APOD: variants seen among roughly 807,000 people sequenced by gnomAD.
APOD encodes the protein apo-D.
APOD carries 22 observed loss-of-function variants against 20.4 expected under a neutral mutation model. The observed-to-expected ratio is 1.08, with a 90% CI of 0.77 to 1.54. APOD has a LOEUF of 1.54. Among genes scored for constraint, APOD ranks in the 40% most tolerant of loss-of-function variants. The pLI is 0.00. For synonymous variants in APOD, 97 were observed against 92.4 expected (o/e 1.05, Z -0.29); for missense variants, 223 against 229.6 (o/e 0.97, Z 0.19).
At chr3:195,571,061 A>G (rs1720149639) in intron 4 of APOD, 1 of 583,966 alleles carries the variant, frequency 1.7e-6, no homozygotes, top group African/African-American at 1.9e-5. Flanking sequence ...CAGTATCCAC[A>G]CTGGGATGTG....
Position 195,578,470 on chromosome 3 carries a change from C to A in APOD, c.123+869G>T, listed in dbSNP as rs150597097. On this transcript the variant is annotated intron_variant, in intron 2 of 4. Coordinates refer to ENST00000343267, the MANE Select transcript of APOD (RefSeq NM_001647.4). ...TCTTAAAAGAGATCCAAACCTTCTC[C>A]TAAGGAGAGGAAGTCTTAAGGGTGA... is the stretch of plus-strand genomic sequence containing the variant. 1.3e-3 allele frequency among the ~76,000 whole-genome samples: 191 copies of A among 152,282 alleles called. 3 individuals are homozygous for A. In the East Asian group the frequency reaches 0.031, roughly 25 times the overall value.
rs367853443 is a variant in APOD, at chr3:195,573,966, G to C, written c.129C>G (p.Leu43=). ...TCTTCTCAATTTCGTACCATCTTCC[G>C]AGATACTGCAGAGACAACAAGCAGA... ...VQENFDVNKY[L]GRWYEIEKIP... The change falls in exon 3 of 5, where the codon CTC becomes CTG. Residue 43 remains leucine, a synonymous_variant. Coordinates refer to ENST00000343267, the MANE Select transcript of APOD (RefSeq NM_001647.4). 1 of 1,614,036 alleles carries C rather than the reference G, an allele frequency of 6.2e-7. No individual in the cohort carries two copies. Among genetic ancestry groups the C allele is most frequent in the East Asian group, 2.2e-5 (1 of 44,870 alleles).
intron 1 of APOD, among the ~76,000 whole-genome samples, chr3:195,581,146 G>A (rs941899131): frequency 6.6e-6 from 1 of 152,056 alleles, no homozygotes; most frequent in Non-Finnish European, 1.5e-5. Flanking sequence ...TTTTCCCCTG[G>A]AGGTTTTGTT....
intron 3 of APOD, among the ~76,000 whole-genome samples, chr3:195,571,691 G>A (rs1380396204): frequency 6.6e-6 from 1 of 152,000 alleles, no homozygotes; most frequent in African/African-American, 2.4e-5. Flanking sequence ...TCTATGGCCT[G>A]AAAGACCAAT....
In APOD at chr3:195,571,322, C is replaced by A; in HGVS notation, c.289G>T (p.Val97Phe). Residue 97 changes from valine (V) to phenylalanine (F), a missense_variant, in exon 4 of 5, where the codon GTT becomes TTT. Transcript: ENST00000343267. ...AGCTTGGCAGGCTCTGTGAGGTTAACTGGGGTGGCTTCACCTTCGATTTGA... is the reference window on the plus strand; with the variant it reads ...AGCTTGGCAGGCTCTGTGAGGTTAAATGGGGTGGCTTCACCTTCGATTTGA... ...VNQIEGEATP[V>F]NLTEPAKLEV... 6.2e-7 allele frequency: 1 copy of A among 1,613,984 alleles called. No homozygotes were observed. Among genetic ancestry groups the A allele is most frequent in the East Asian group, 2.2e-5 (1 of 44,882 alleles).
At position 195,575,774 on chromosome 3, in the gene APOD, C is replaced by T. The variant is rs548608187; in HGVS notation, c.124-1803G>A. 2.6e-5 allele frequency among the ~76,000 whole-genome samples: 4 copies of T among 152,056 alleles called. No homozygotes were observed. The East Asian group carries it at 5.8e-4, about 22-fold the overall frequency. On this transcript the variant is annotated intron_variant, in intron 2 of 4. Transcript: ENST00000343267. ...TCCCGAGTAGCTGGGATTACAGGCACGTGCCACCATGCCCGGCTAATTTTT... is the reference window on the plus strand; with the variant it reads ...TCCCGAGTAGCTGGGATTACAGGCATGTGCCACCATGCCCGGCTAATTTTT...
intron 1 of APOD, among the ~76,000 whole-genome samples, chr3:195,580,287 T>C (rs1052175825): frequency 1.3e-5 from 2 of 152,136 alleles, no homozygotes; most frequent in Non-Finnish European, 1.5e-5. Context: ...CAATAAATGC[T>C]AGTTATTGTT....
chr3:195,574,930 A>C (rs1234919236), intron 2 of APOD, among the ~76,000 whole-genome samples: 1 of 152,248 alleles, frequency 6.6e-6, no homozygotes, highest in Non-Finnish European at 1.5e-5. Context: ...AAAAATGGAG[A>C]AAATGTTTAT....
chr3:195,569,439 G>A (rs1284433300), intron 4 of APOD, among the ~76,000 whole-genome samples: 1 of 152,088 alleles, frequency 6.6e-6, no homozygotes, highest in Non-Finnish European at 1.5e-5. Flanking sequence ...CATTTCAGCT[G>A]CTCTGTGTAT....
rs764993601 is a variant in APOD, at chr3:195,571,354, G to C, written c.257C>G (p.Thr86Ser). Residue 86 changes from threonine to serine, a missense_variant, in exon 4 of 5, where the codon ACT becomes AGT. Physicochemically the swap from Thr to Ser is moderately conservative, Grantham distance 58. Coordinates refer to ENST00000343267, the MANE Select transcript of APOD (RefSeq NM_001647.4). ...VLNQELRADG[T>S]VNQIEGEATP... ...GGCTTCACCTTCGATTTGATTCACA[G>C]TTCCATCAGCTCTGCAGTGAGTTAA... 8.1e-6 allele frequency: 13 copies of C among 1,613,596 alleles called. No homozygotes were observed. The African/African-American group carries it at 1.6e-4, about 20-fold the overall frequency.
At chr3:195,574,604 A>T (rs1251985969) in intron 2 of APOD, among the ~76,000 whole-genome samples, 1 of 152,238 alleles carries the variant, frequency 6.6e-6, no homozygotes, top group Non-Finnish European at 1.5e-5. Flanking sequence ...TGCGGAGGGC[A>T]GTTTGGCAAT....
chr3:195,582,932 CAAA>C (rs71777098), intron 1 of APOD: 6 of 100,664 alleles, frequency 6.0e-5, no homozygotes, highest in African/African-American at 6.6e-5. Context: ...GACTCCGTCT[CAAA>C]AAAAAAAAAA....
In APOD at chr3:195,568,946, T is replaced by G; in HGVS notation, c.524A>C (p.Lys175Thr). ...NILTSNNIDV[K>T]KMTVTDQVNC... ...CACCTGGTCTGTGACCGTCATTTTC[T>G]TGACATCAATGTTATTAGAAGTCAG... is the stretch of plus-strand genomic sequence containing the variant. Residue 175 changes from lysine (K) to threonine (T), a missense_variant, in exon 5 of 5, where the codon AAG becomes ACG. Coordinates refer to ENST00000343267, the MANE Select transcript of APOD (RefSeq NM_001647.4). 3 of 1,614,176 alleles carry G rather than the reference T, an allele frequency of 1.9e-6. No individual in the cohort carries two copies. The highest frequency in any genetic ancestry group is 2.5e-6 in the Non-Finnish European group (3 of 1,180,022).
chr3:195,569,254 T>C, intron 4 of APOD, 119 bp from the exon 5 acceptor site: 1 of 814,402 alleles, frequency 1.2e-6, no homozygotes, highest in Non-Finnish European at 2.0e-6. Context: ...ATTTTGTTTA[T>C]CAATCCAGAA....
At chr3:195,573,758 G>A (rs1000535219) in intron 3 of APOD, 92 bp downstream of exon 3, 31 of 1,505,746 alleles carry the variant, frequency 2.1e-5, no homozygotes, top group Non-Finnish European at 2.5e-5. Flanking sequence ...ATCCAGCAAG[G>A]TTCCCATCCT....
At chr3:195,574,038 T>C (rs1400779991) in intron 2 of APOD, 67 bp from the exon 3 acceptor site, 2 of 1,590,764 alleles carry the variant, frequency 1.3e-6, no homozygotes, top group Non-Finnish European at 1.7e-6. Context: ...TTCCCCATTG[T>C]CGTGCAGACG....
chr3:195,576,281 A>G (rs1720246301), intron 2 of APOD, among the ~76,000 whole-genome samples: 2 of 152,248 alleles, frequency 1.3e-5, no homozygotes, highest in South Asian at 4.1e-4. Context: ...TTCAGAAAAG[A>G]GGAAACTCAG....
chr3:195,569,558 C>T (rs1410727144), intron 4 of APOD, among the ~76,000 whole-genome samples: 1 of 152,126 alleles, frequency 6.6e-6, no homozygotes, highest in Admixed American at 6.5e-5. Flanking sequence ...CAGGCTGGCA[C>T]ATTCTGCCTT....
At chr3:195,581,282 G>C (rs1214468116) in intron 1 of APOD, among the ~76,000 whole-genome samples, 1 of 152,162 alleles carries the variant, frequency 6.6e-6, no homozygotes, top group African/African-American at 2.4e-5. Context: ...CCTGGTCTCT[G>C]AGGTTCCGTT....
Sources: gnomAD v4.1 joint callset for allele counts (sites outside exome capture counted in the v4.1 genomes callset) on GRCh38, gnomAD v4.1.1 for gene constraint, MANE v1.5 for transcripts, NCBI Gene and HGNC (gene_info 2026-07-23, HGNC 2026-07-21) for gene names.